The following GRM8 variants were observed in gnomAD, a reference collection of about 807,000 sequenced individuals.
GRM8 encodes the protein glutamate metabotropic receptor 8.
A neutral mutation model predicts 87.2 loss-of-function variants in GRM8; 47 were observed. The ratio of observed to expected loss-of-function variants is 0.54; its 90% CI spans 0.43 to 0.69. The LOEUF is 0.69. GRM8 is among the 30% of genes least tolerant of loss of function. The probability of loss-of-function intolerance (pLI) is 0.00; values close to 1 mark genes in which losing one functional copy is unlikely to be tolerated. For missense variants in GRM8, 1,019 were observed against 1,139.2 expected (o/e 0.89, Z 1.52); for synonymous variants, 396 against 404.5 (o/e 0.98, Z 0.25).
chr7:126,619,644 C>G (rs541479961), intron 7 of GRM8, among the ~76,000 whole-genome samples: 1 of 152,178 alleles, frequency 6.6e-6, no homozygotes, highest in African/African-American at 2.4e-5. Context: ...TTATTTCTCT[C>G]CATCCTATAC....
chr7:126,850,452 G>A (rs548111355), intron 6 of GRM8, among the ~76,000 whole-genome samples: 1 of 152,218 alleles, frequency 6.6e-6, no homozygotes, highest in Non-Finnish European at 1.5e-5. Flanking sequence ...GAGAAAGTTG[G>A]GTTTATTACT....
intron 2 of GRM8, among the ~76,000 whole-genome samples, chr7:127,216,968 C>G (rs1041038969): frequency 5.9e-5 from 9 of 152,162 alleles, no homozygotes; most frequent in Admixed American, 2.0e-4. Context: ...GTCACATCAC[C>G]CTTTTTAAAT....
intron 9 of GRM8, among the ~76,000 whole-genome samples, chr7:126,499,413 C>CA (rs201518620): frequency 0.25 from 33,083 of 133,970 alleles, 3,722 homozygotes; most frequent in Non-Finnish European, 0.26. Flanking sequence ...GAGGTTCCTC[C>CA]AAAAAAAAAA....
At chr7:126,730,323 G>GA (rs1813450860) in intron 7 of GRM8, among the ~76,000 whole-genome samples, 1 of 151,840 alleles carries the variant, frequency 6.6e-6, no homozygotes, top group African/African-American at 2.4e-5. Context: ...GTATGGATAG[G>GA]AAAAAAAATA....
At chr7:127,034,172 A>C (rs547600850) in intron 3 of GRM8, among the ~76,000 whole-genome samples, 1 of 152,208 alleles carries the variant, frequency 6.6e-6, no homozygotes, top group Non-Finnish European at 1.5e-5. Flanking sequence ...ACTTTAATTT[A>C]GGAGTTGCAA....
At chr7:127,143,081 T>G (rs1206349143) in intron 2 of GRM8, among the ~76,000 whole-genome samples, 1 of 152,118 alleles carries the variant, frequency 6.6e-6, no homozygotes, top group Non-Finnish European at 1.5e-5. Context: ...CCTTCTCCCT[T>G]TCAAGCTGGT....
intron 7 of GRM8, among the ~76,000 whole-genome samples, chr7:126,687,730 C>G (rs1043832247): frequency 6.6e-6 from 1 of 151,332 alleles, no homozygotes; most frequent in Admixed American, 6.6e-5. Context: ...AAGAATCCTA[C>G]AGCTTCAGAC....
chr7:126,750,433 T>G (rs1007945804), intron 7 of GRM8, among the ~76,000 whole-genome samples: 5 of 151,946 alleles, frequency 3.3e-5, no homozygotes, highest in Admixed American at 1.3e-4. Context: ...AAATGAAACC[T>G]CAAATTGTAC....
At chr7:126,705,771 A>G (rs115702314) in intron 7 of GRM8, among the ~76,000 whole-genome samples, 61 of 152,308 alleles carry the variant, frequency 4.0e-4, no homozygotes, top group African/African-American at 1.4e-3. Context: ...AAATATTTAA[A>G]CATCTAATCT....
At chr7:126,662,680 A>T (rs569437576) in intron 7 of GRM8, among the ~76,000 whole-genome samples, 2 of 152,200 alleles carry the variant, frequency 1.3e-5, no homozygotes, top group South Asian at 4.1e-4. Flanking sequence ...AAGCTCAAAA[A>T]CATAATAAGC....
intron 9 of GRM8, among the ~76,000 whole-genome samples, chr7:126,468,533 A>G (rs1584716442): frequency 6.6e-6 from 1 of 151,912 alleles, no homozygotes; most frequent in Admixed American, 6.6e-5. Flanking sequence ...CAATCCTACA[A>G]TTTCCTGTGA....
At chr7:126,611,259 G>C (rs528754310) in intron 7 of GRM8, among the ~76,000 whole-genome samples, 8 of 152,128 alleles carry the variant, frequency 5.3e-5, no homozygotes, top group Non-Finnish European at 1.2e-4. Context: ...TAGTGACCTC[G>C]AGCAGGTTAA....
At chr7:126,702,406 C>T (rs1810037871) in intron 7 of GRM8, among the ~76,000 whole-genome samples, 2 of 152,174 alleles carry the variant, frequency 1.3e-5, no homozygotes, top group Admixed American at 6.5e-5. Flanking sequence ...GTTTCATATC[C>T]TCCTCCGCAG....
intron 3 of GRM8, among the ~76,000 whole-genome samples, chr7:127,014,987 GGAAGAAGAAGAAGAAAGAA>G (rs1184588822): frequency 1.3e-3 from 129 of 98,550 alleles, no homozygotes; most frequent in African/African-American, 4.6e-3. Flanking sequence ...AAGGAGAAGA[GGAAGAAGAAGAAGAAAGAA>G]GAAGAAGAAG....
At chr7:126,762,298 A>C (rs2151579217) in intron 7 of GRM8, among the ~76,000 whole-genome samples, 1 of 152,230 alleles carries the variant, frequency 6.6e-6, no homozygotes, top group South Asian at 2.1e-4. Context: ...GAGAATTCAG[A>C]CCTGGAAGAG....
intron 8 of GRM8, among the ~76,000 whole-genome samples, chr7:126,564,633 C>T (rs1341384557): frequency 6.6e-6 from 1 of 152,110 alleles, no homozygotes; most frequent in Non-Finnish European, 1.5e-5. Flanking sequence ...GATGGCTTAA[C>T]TGCTGAATTA....
chr7:127,236,795 G>C (rs561547424), intron 2 of GRM8, among the ~76,000 whole-genome samples: 1 of 152,284 alleles, frequency 6.6e-6, no homozygotes, highest in East Asian at 1.9e-4. Flanking sequence ...ATGAGGGAGA[G>C]AGTAGAGAGA....
intron 7 of GRM8, among the ~76,000 whole-genome samples, chr7:126,614,208 T>C (rs1366658021): frequency 6.6e-6 from 1 of 152,118 alleles, no homozygotes; most frequent in African/African-American, 2.4e-5. Flanking sequence ...GCAGCATCGT[T>C]TGCTGTTCAG....
intron 6 of GRM8, among the ~76,000 whole-genome samples, chr7:126,772,755 A>G (rs1471898783): frequency 6.6e-6 from 1 of 152,096 alleles, no homozygotes; most frequent in Non-Finnish European, 1.5e-5. Flanking sequence ...ACAATTCCCA[A>G]TATTTACGCA....
Sources: allele counts gnomAD v4.1 joint callset (sites outside exome capture counted in the v4.1 genomes callset), GRCh38; gene constraint gnomAD v4.1.1; transcripts MANE v1.5; gene names NCBI Gene and HGNC (gene_info 2026-07-23, HGNC 2026-07-21).